STXBP2: variants seen among roughly 807,000 people sequenced by gnomAD.
The protein encoded by STXBP2 is syntaxin-binding protein 2.
Under a neutral mutation model 72.2 loss-of-function variants are expected in STXBP2, and 47 were observed. The observed-to-expected ratio is 0.65, with a 90% CI of 0.51 to 0.83. The LOEUF (loss-of-function observed/expected upper bound fraction) is 0.83, where lower values mean the gene tolerates loss of function less well. Among genes scored for constraint, STXBP2 ranks in the 40% least tolerant of loss-of-function variants. The pLI is 0.00. For missense variants in STXBP2, 702 were observed against 807.6 expected (o/e 0.87, Z 1.58); for synonymous variants, 367 against 338.7 (o/e 1.08, Z -0.92).
At chr19:7,639,872 G>A (rs2031722433) in intron 4 of STXBP2, 65 bp downstream of exon 4, 1 of 1,529,630 alleles carries the variant, frequency 6.5e-7, no homozygotes, top group East Asian at 2.3e-5. Flanking sequence ...GTGTGTGTAT[G>A]TCTGCATGCA....
chr19:7,645,932 T>G, intron 15 of STXBP2: 1 of 480,766 alleles, frequency 2.1e-6, no homozygotes. Context: ...CTCTCTCTGT[T>G]TCCTGCTTCA....
upstream of STXBP2, chr19:7,637,060 C>T: frequency 3.3e-6 from 4 of 1,219,402 alleles, no homozygotes; most frequent in African/African-American, 1.6e-5. Context: ...GGGACAGGGC[C>T]CGCGGGGCGG....
In STXBP2 at chr19:7,642,177, C is replaced by T. The variant is rs1480121227; in HGVS notation, c.664-26C>T. On this transcript the variant is annotated intron_variant, in intron 8 of 18. Coordinates refer to ENST00000221283, the MANE Select transcript of STXBP2 (RefSeq NM_006949.4). The surrounding 1 kb of genome is among the most constrained non-coding windows in gnomAD (Gnocchi z 6.0). ...CCCAACCGGCTCAGGGTCAGTGCCTCATTCCTGCCCTAAACCCCACCCCAG... is the reference window on the plus strand; with the variant it reads ...CCCAACCGGCTCAGGGTCAGTGCCTTATTCCTGCCCTAAACCCCACCCCAG... 1 of 1,613,964 alleles carries T rather than the reference C, an allele frequency of 6.2e-7. No individual in the cohort carries two copies. Among genetic ancestry groups the T allele is most frequent in the Non-Finnish European group, 8.5e-7 (1 of 1,179,966 alleles).
At chr19:7,639,615 G>C in intron 3 of STXBP2, 116 bp from the exon 4 acceptor site, 4 of 942,612 alleles carry the variant, frequency 4.2e-6, no homozygotes, top group Non-Finnish European at 6.7e-6. Context: ...TTCTCCTGCA[G>C]TCCCTCCTAA....
At chr19:7,639,866 G>GT in intron 4 of STXBP2, 59 bp downstream of exon 4, 1 of 1,550,412 alleles carries the variant, frequency 6.4e-7, no homozygotes, top group Non-Finnish European at 8.9e-7. Flanking sequence ...GTGCATGTGT[G>GT]TGTATGTCTG....
chr19:7,638,138 TCTC>T (rs2031635875), intron 1 of STXBP2, among the ~76,000 whole-genome samples: 1 of 152,172 alleles, frequency 6.6e-6, no homozygotes, highest in Non-Finnish European at 1.5e-5. Context: ...TGATCCCGGT[TCTC>T]CTCTTTTCAT....
intron 1 of STXBP2, 90 bp from the exon 2 acceptor site, chr19:7,638,636 A>T (rs2031661799): frequency 1.8e-5 from 24 of 1,318,920 alleles, no homozygotes; most frequent in South Asian, 2.5e-5. Flanking sequence ...GGGAATTAAG[A>T]TGGGGGTTCA....
At chr19:7,639,557 C>CTGCAGAACCCTGTCGTG in intron 3 of STXBP2, 174 bp from the exon 4 acceptor site, 1 of 683,162 alleles carries the variant, frequency 1.5e-6, no homozygotes, top group Non-Finnish European at 2.6e-6. Context: ...TGCACAACCC[C>CTGCAGAACCCTGTCGTG]TGCAGAACCC....
upstream of STXBP2, chr19:7,633,329 T>C (rs1454875145): frequency 3.0e-6 from 4 of 1,343,082 alleles, no homozygotes; most frequent in Non-Finnish European, 4.1e-6. Flanking sequence ...GTTAATTAGG[T>C]GCCCTACAAA....
chr19:7,643,271 G>A lies in STXBP2; in HGVS notation c.1107+26G>A. ...GTGGGGCAGGGCTTGCGGGGGGCAG[G>A]GGTGATGGTCCTGCCAAGGCGGGGT... On this transcript the variant is annotated intron_variant, in intron 13 of 18. Transcript: ENST00000221283. The A allele has an allele frequency of 6.2e-7, 1 of 1,611,708 alleles. No individual in the cohort carries two copies. The highest frequency in any genetic ancestry group is 8.5e-7 in the Non-Finnish European group (1 of 1,179,338).
At chr19:7,636,169 A>G (rs2031524062), upstream of STXBP2, 1 of 151,944 alleles carries the variant, frequency 6.6e-6, no homozygotes, top group African/African-American at 2.4e-5. Flanking sequence ...TTCACTCCCT[A>G]TGTCCCATGT....
upstream of STXBP2, among the ~76,000 whole-genome samples, chr19:7,634,462 G>A (rs1369879613): frequency 6.6e-6 from 1 of 152,188 alleles, no homozygotes; most frequent in Non-Finnish European, 1.5e-5. Flanking sequence ...TCCTCAGTAC[G>A]TGTATCCCTT....
In STXBP2 at chr19:7,642,285, T is replaced by G; in HGVS notation, c.746T>G (p.Phe249Cys). 6.2e-7 allele frequency: 1 copy of G among 1,614,106 alleles called. No homozygotes were observed. Among genetic ancestry groups the G allele is most frequent in the Non-Finnish European group, 8.5e-7 (1 of 1,180,000 alleles). Residue 249 changes from phenylalanine to cysteine, a missense_variant, in exon 9 of 19, where the codon TTC becomes TGC. Coordinates refer to ENST00000221283, the MANE Select transcript of STXBP2 (RefSeq NM_006949.4). This position sits in a 1 kb window ranked among gnomAD's most constrained non-coding sequence, Gnocchi z 6.0. ...PVSPLLHELT[F>C]QAMAYDLLDI... ...TCCCCACTACTGCATGAGCTCACGT[T>G]CCAGGCCATGGCGTATGATCTGCTG... is the stretch of plus-strand genomic sequence containing the variant.
chr19:7,646,234 C>A lies in STXBP2; in HGVS notation c.1357-15C>A. The A allele has an allele frequency of 6.3e-7, 1 of 1,586,816 alleles. No homozygotes were observed. The highest frequency in any genetic ancestry group is 2.3e-5 in the East Asian group (1 of 43,726). On this transcript the variant is annotated splice_polypyrimidine_tract_variant and intron_variant, in intron 15 of 18. Coordinates refer to ENST00000221283, the MANE Select transcript of STXBP2 (RefSeq NM_006949.4). ...CCCCTCAATCCCCCTGCTGCCCTCC[C>A]TGCCCTGCCTGTAGGGCTCGGGGAC... is the stretch of plus-strand genomic sequence containing the variant.
the STXBP2 span, chr19:7,631,529 C>T: frequency 1.3e-6 from 2 of 1,535,814 alleles, no homozygotes; most frequent in Middle Eastern, 1.8e-4. Context: ...AGGAGAAGCT[C>T]CTTCGCGACG....
Position 7,642,566 on chromosome 19 carries a change from C to G in STXBP2, c.902+30C>G, listed in dbSNP as rs373521948. On this transcript the variant is annotated intron_variant, in intron 10 of 18. Coordinates refer to ENST00000221283, the MANE Select transcript of STXBP2 (RefSeq NM_006949.4). This position sits in a 1 kb window ranked among gnomAD's most constrained non-coding sequence, Gnocchi z 6.0. Reference sequence around the variant, plus strand: ...GTGCACACGGGGACCGGATCCCCCCCCCACCGCCCACTGTGGGCCTGGTAG... The same window carrying G: ...GTGCACACGGGGACCGGATCCCCCCGCCACCGCCCACTGTGGGCCTGGTAG... 7.5e-5 allele frequency: 120 copies of G among 1,609,808 alleles called. No homozygotes were observed. Among genetic ancestry groups the G allele is most frequent in the Admixed American group, 1.3e-4 (8 of 60,022 alleles).
upstream of STXBP2, among the ~76,000 whole-genome samples, chr19:7,635,343 G>A (rs2031486429): frequency 6.6e-6 from 1 of 152,212 alleles, no homozygotes; most frequent in Non-Finnish European, 1.5e-5. Flanking sequence ...ATTGACTTAC[G>A]CACCTTAGGT....
intron 16 of STXBP2, chr19:7,646,660 C>T (rs976006696): frequency 2.1e-6 from 1 of 472,738 alleles, no homozygotes; most frequent in African/African-American, 2.0e-5. Context: ...GATCCCAGGG[C>T]AGCACCATCC....
At chr19:7,645,066 G>T in intron 14 of STXBP2, 131 bp from the exon 15 acceptor site, 3 of 1,460,888 alleles carry the variant, frequency 2.1e-6, no homozygotes, top group Non-Finnish European at 9.3e-7. Context: ...ACTAGCACAG[G>T]GTACTGAGGC....
Sources: gnomAD v4.1 joint callset for allele counts (sites outside exome capture counted in the v4.1 genomes callset) on GRCh38, gnomAD v4.1.1 for gene constraint, Gnocchi (gnomAD v3.1) non-coding constraint, MANE v1.5 for transcripts, NCBI Gene and HGNC (gene_info 2026-07-23, HGNC 2026-07-21) for gene names.